ADGRB3: variants seen among roughly 807,000 people sequenced by gnomAD.
ADGRB3 encodes adhesion G protein-coupled receptor B3.
In ADGRB3, 37 loss-of-function variants were observed where a neutral mutation model predicts 193.4. That is an observed-to-expected ratio of 0.19 (90% confidence interval 0.15 to 0.25). The LOEUF is 0.25. Among genes scored for constraint, ADGRB3 ranks in the 10% least tolerant of loss-of-function variants. The probability of loss-of-function intolerance (pLI) is 1.00; values close to 1 mark genes in which losing one functional copy is unlikely to be tolerated. For synonymous variants in ADGRB3, 690 were observed against 644.2 expected, an observed-to-expected ratio of 1.07 and a Z score of -1.08; for missense variants, 1,637 against 1,852.9, an observed-to-expected ratio of 0.88 and a Z score of 2.14.
chr6:68,642,339 G>A (rs1354623896), intron 3 of ADGRB3, among the ~76,000 whole-genome samples: 1 of 152,026 alleles, frequency 6.6e-6, no homozygotes, highest in African/African-American at 2.4e-5. Flanking sequence ...TGTGTCCACT[G>A]GTATTATGAC....
intron 3 of ADGRB3, among the ~76,000 whole-genome samples, chr6:68,820,536 A>G (rs1767729827): frequency 6.6e-6 from 1 of 152,026 alleles, no homozygotes; most frequent in African/African-American, 2.4e-5. Context: ...GAAATATACA[A>G]TAAATTATTT....
intron 3 of ADGRB3, among the ~76,000 whole-genome samples, chr6:68,701,444 A>AG (rs1221537605): frequency 6.6e-6 from 1 of 152,180 alleles, no homozygotes; most frequent in Non-Finnish European, 1.5e-5. Flanking sequence ...CACTCAATAC[A>AG]GGGCTCCAGG....
intron 20 of ADGRB3, among the ~76,000 whole-genome samples, chr6:69,243,127 G>A (rs1285980338): frequency 6.6e-6 from 1 of 151,774 alleles, no homozygotes; most frequent in African/African-American, 2.4e-5. Context: ...AAAACTCTTG[G>A]TTTTTTGGTT....
At chr6:69,116,926 G>A (rs930939814) in intron 17 of ADGRB3, among the ~76,000 whole-genome samples, 1 of 152,156 alleles carries the variant, frequency 6.6e-6, no homozygotes, top group East Asian at 1.9e-4. Flanking sequence ...TGGCTGGTGG[G>A]CCTCTGTGTG....
At chr6:68,872,760 G>T (rs1349004776) in intron 3 of ADGRB3, among the ~76,000 whole-genome samples, 1 of 152,082 alleles carries the variant, frequency 6.6e-6, no homozygotes, top group Non-Finnish European at 1.5e-5. Context: ...GCCTTTAAAT[G>T]TAACCCTAAA....
At chr6:69,239,336 A>G (rs537935586) in intron 20 of ADGRB3, 110 bp downstream of exon 20, 58 of 787,836 alleles carry the variant, frequency 7.4e-5, no homozygotes, top group South Asian at 6.2e-4. Context: ...TGACAAAATT[A>G]TATTTTAAAG....
intron 3 of ADGRB3, among the ~76,000 whole-genome samples, chr6:68,755,877 T>C (rs1272524763): frequency 3.9e-5 from 6 of 152,222 alleles, no homozygotes; most frequent in African/African-American, 1.4e-4. Flanking sequence ...CAGTGTTTTG[T>C]TATTTTATCT....
At chr6:69,090,604 C>A (rs371490075) in intron 17 of ADGRB3, among the ~76,000 whole-genome samples, 1 of 152,028 alleles carries the variant, frequency 6.6e-6, no homozygotes, top group Admixed American at 6.6e-5. Context: ...ACTGGGGACA[C>A]AAATAGTGAA....
chr6:69,379,277 T>C (rs1769896341), intron 30 of ADGRB3, among the ~76,000 whole-genome samples: 1 of 151,976 alleles, frequency 6.6e-6, no homozygotes, highest in African/African-American at 2.4e-5. Context: ...CAATTCTAAG[T>C]TCAGTTTTTG....
intron 10 of ADGRB3, among the ~76,000 whole-genome samples, chr6:68,990,230 T>C (rs1281796910): frequency 6.6e-6 from 1 of 152,138 alleles, no homozygotes; most frequent in African/African-American, 2.4e-5. Context: ...AAGAGAACTC[T>C]TCACAGTATG....
At chr6:69,020,457 ATAT>A (rs1770230763) in intron 13 of ADGRB3, among the ~76,000 whole-genome samples, 1 of 152,012 alleles carries the variant, frequency 6.6e-6, no homozygotes, top group Non-Finnish European at 1.5e-5. Context: ...CCAAGCTTGT[ATAT>A]TTGAAAATAT....
chr6:68,982,125 C>T (rs1311985207), intron 10 of ADGRB3, among the ~76,000 whole-genome samples: 3 of 152,032 alleles, frequency 2.0e-5, no homozygotes, highest in Admixed American at 1.3e-4. Context: ...ACCTCATGAT[C>T]TGCCTGCCTC....
At chr6:69,386,460 T>A (rs1489898010) in intron 31 of ADGRB3, among the ~76,000 whole-genome samples, 1 of 152,086 alleles carries the variant, frequency 6.6e-6, no homozygotes, top group East Asian at 1.9e-4. Context: ...TTCAGTAGAA[T>A]TCGAACCAGT....
intron 3 of ADGRB3, among the ~76,000 whole-genome samples, chr6:68,640,383 G>T (rs892304444): frequency 6.6e-6 from 1 of 152,212 alleles, no homozygotes; most frequent in African/African-American, 2.4e-5. Context: ...ATTTGAGATT[G>T]TGATTATGTT....
intron 8 of ADGRB3, among the ~76,000 whole-genome samples, chr6:68,963,728 G>T (rs1768297601): frequency 6.6e-6 from 1 of 152,074 alleles, no homozygotes; most frequent in Admixed American, 6.5e-5. Context: ...GAATTTGGGA[G>T]CCCATCCATT....
At chr6:69,294,846 C>T (rs1244541867) in intron 20 of ADGRB3, among the ~76,000 whole-genome samples, 2 of 151,900 alleles carry the variant, frequency 1.3e-5, no homozygotes, top group Non-Finnish European at 2.9e-5. Context: ...TCCCTTTTTG[C>T]TAATAAATAA....
rs1420166295 is a variant in ADGRB3 at position 68,730,326 on chromosome 6, C to T, written c.757+90894C>T. Among the ~76,000 whole-genome samples the T allele has an allele frequency of 3.3e-5, 5 of 151,438 alleles. No homozygotes were observed. The East Asian group carries it at 9.7e-4, about 29-fold the overall frequency. On this transcript the variant is annotated intron_variant, in intron 3 of 31. Coordinates refer to ENST00000370598, the MANE Select transcript of ADGRB3 (RefSeq NM_001704.3). ...AAAATAAATCCAATAAGGGGAATAA[C>T]ACTTTATGTATGTATAATATTTATT...
chr6:68,838,273 C>G (rs1447977325), intron 3 of ADGRB3, among the ~76,000 whole-genome samples: 1 of 152,102 alleles, frequency 6.6e-6, no homozygotes, highest in Non-Finnish European at 1.5e-5. Context: ...GAGGGACACC[C>G]AAAACTGACT....
At chr6:69,040,359 T>TC (rs1562133203) in intron 13 of ADGRB3, among the ~76,000 whole-genome samples, 12 of 53,790 alleles carry the variant, frequency 2.2e-4, no homozygotes, top group South Asian at 1.2e-3. Context: ...CTTTCTTTCT[T>TC]TCTTTCTTTC....
Sources: allele counts gnomAD v4.1 joint callset (sites outside exome capture counted in the v4.1 genomes callset), GRCh38; gene constraint gnomAD v4.1.1; transcripts MANE v1.5; gene names NCBI Gene and HGNC (gene_info 2026-07-23, HGNC 2026-07-21).